Variants in GATB observed in about 807,000 individuals in gnomAD.
GATB encodes glutamyl-tRNA(Gln) amidotransferase subunit B, mitochondrial.
Under a neutral mutation model 62.3 loss-of-function variants are expected in GATB, and 39 were observed. That is an observed-to-expected ratio of 0.63 (90% CI 0.48 to 0.82). GATB has a LOEUF of 0.82. Among genes scored for constraint, GATB ranks in the 40% least tolerant of loss-of-function variants. GATB has a pLI of 0.00. For synonymous variants in GATB, 276 were observed against 258.9 expected, an observed-to-expected ratio of 1.07 and a Z score of -0.63; for missense variants, 670 against 684.0, an observed-to-expected ratio of 0.98 and a Z score of 0.23.
chr4:151,691,470 G>C lies in GATB; in HGVS notation c.1198-2707C>G, dbSNP rs1738364881. 2.0e-5 allele frequency among the ~76,000 whole-genome samples: 3 copies of C among 152,168 alleles called. No individual in the cohort carries two copies. The South Asian group carries it at 6.2e-4, about 32-fold the overall frequency. ...GCACTGAATTACACCCAGAACCAGT[G>C]CTGGCTCCGCCTCTCAGACATTAAC... On this transcript the variant is annotated intron_variant, in intron 9 of 12. Transcript: ENST00000263985.
At chr4:151,749,913 G>C (rs925225427) in intron 2 of GATB, among the ~76,000 whole-genome samples, 2 of 151,794 alleles carry the variant, frequency 1.3e-5, no homozygotes, top group African/African-American at 4.8e-5. Context: ...GACAGAGTCT[G>C]GCTCTCATGC....
chr4:151,731,940 C>T (rs1360288195), intron 2 of GATB, among the ~76,000 whole-genome samples: 2 of 104,034 alleles, frequency 1.9e-5, no homozygotes, highest in South Asian at 2.5e-4. Context: ...CCGGGCCAGC[C>T]GCCCCGTCCG....
At chr4:151,678,956 A>C (rs1277937195) in intron 11 of GATB, among the ~76,000 whole-genome samples, 1 of 152,102 alleles carries the variant, frequency 6.6e-6, no homozygotes, top group African/African-American at 2.4e-5. Context: ...GCAGTGGCAC[A>C]ATGATCTCAG....
At position 151,760,967 on chromosome 4, in the gene GATB, G is replaced by C. The variant is rs553313362; in HGVS notation, c.16C>G (p.Leu6Val). 392 of 1,611,336 alleles carry C rather than the reference G, an allele frequency of 2.4e-4. 6 individuals are homozygous for C. In the South Asian group the frequency reaches 4.0e-3, roughly 16 times the overall value. The change falls in exon 1 of 13, where the codon CTG becomes GTG. Residue 6 changes from leucine (L) to valine (V), a missense_variant. Transcript: ENST00000263985. MAAPM[L>V]RWGCRGRRWA... is the part of the protein sequence containing the mutation. ...CGTCTTCCACGGCAGCCCCAGCGCAGCATGGGCGCCGCCATTGTAACTCCA... is the reference window on the plus strand; with the variant it reads ...CGTCTTCCACGGCAGCCCCAGCGCACCATGGGCGCCGCCATTGTAACTCCA...
chr4:151,726,976 GCCCGATCAC>G, intron 2 of GATB, among the ~76,000 whole-genome samples: 1 of 152,082 alleles, frequency 6.6e-6, no homozygotes, highest in African/African-American at 2.4e-5. Context: ...GAGTGCAGTG[GCCCGATCAC>G]AGCTCAAGGC....
chr4:151,754,172 A>G (rs955216189), intron 2 of GATB, among the ~76,000 whole-genome samples: 2 of 152,154 alleles, frequency 1.3e-5, no homozygotes, highest in African/African-American at 4.8e-5. Context: ...ACCCTTTATC[A>G]GGGCTTATAT....
chr4:151,757,467 A>T (rs1739855563), intron 2 of GATB, among the ~76,000 whole-genome samples: 7 of 103,820 alleles, frequency 6.7e-5, no homozygotes, highest in Admixed American at 2.2e-4. Flanking sequence ...CAGCTTCCAG[A>T]TTTTTTTTTT....
chr4:151,673,419 T>TA, intron 11 of GATB: 1 of 152,572 alleles, frequency 6.6e-6, no homozygotes, highest in East Asian at 1.9e-4. Flanking sequence ...ACCACGGTAC[T>TA]AAATAAAGTC....
At chr4:151,716,219 C>T (rs548831054) in intron 4 of GATB, 88 bp from the exon 5 acceptor site, 12 of 1,446,646 alleles carry the variant, frequency 8.3e-6, no homozygotes, top group South Asian at 5.6e-5. Context: ...AAAACCCTGC[C>T]TTACTGAAGG....
chr4:151,760,969 AT>A lies in GATB; in HGVS notation c.13del (p.Met5CysfsTer63), dbSNP rs1739947349. The stretch of plus-strand genomic sequence containing the variant: ...TCTTCCACGGCAGCCCCAGCGCAGC[AT>A]GGGCGCCGCCATTGTAACTCCAGGG... The part of the protein sequence containing the change: MAAP[M>X]LRWGCRGRRW... On this transcript the variant is annotated frameshift_variant, in exon 1 of 13. Coordinates refer to ENST00000263985, the MANE Select transcript of GATB (RefSeq NM_004564.3). LOFTEE classifies it high-confidence loss of function. 1.2e-6 allele frequency: 2 copies of A among 1,610,988 alleles called. No homozygotes were observed. The highest frequency in any genetic ancestry group is 2.7e-5 in the African/African-American group (2 of 74,802).
At chr4:151,736,575 G>A (rs1229078980) in intron 2 of GATB, among the ~76,000 whole-genome samples, 4 of 152,240 alleles carry the variant, frequency 2.6e-5, no homozygotes, top group African/African-American at 4.8e-5. Context: ...ATAGTATGAT[G>A]TAAGTGTTTA....
At chr4:151,733,943 A>G (rs1380956258) in intron 2 of GATB, among the ~76,000 whole-genome samples, 2 of 152,232 alleles carry the variant, frequency 1.3e-5, no homozygotes, top group Non-Finnish European at 2.9e-5. Context: ...CACAAGGGAC[A>G]TAACTTAACG....
intron 5 of GATB, among the ~76,000 whole-genome samples, chr4:151,713,613 G>A (rs1738861650): frequency 6.6e-6 from 1 of 152,188 alleles, no homozygotes; most frequent in Non-Finnish European, 1.5e-5. Flanking sequence ...TTTAAGTGTG[G>A]AAAGTGAGGC....
intron 5 of GATB, among the ~76,000 whole-genome samples, chr4:151,711,258 A>G (rs1390663402): frequency 1.3e-5 from 2 of 152,164 alleles, no homozygotes; most frequent in African/African-American, 4.8e-5. Flanking sequence ...CTTCCCACAG[A>G]GCAGCCAGAG....
At chr4:151,717,407 AT>A (rs1283383685) in intron 3 of GATB, 12 of 283,490 alleles carry the variant, frequency 4.2e-5, no homozygotes, top group Admixed American at 1.5e-4. Flanking sequence ...TAAGAAAAGA[AT>A]TTATTGTTTC....
Position 151,688,679 on chromosome 4 carries a change from T to G in GATB, c.1282A>C (p.Asn428His). ...TGCTTTAAATAGCCCAGAAAAGTGT[T>G]GAGGACCCAACTAGTCACCTTTTTT... ...EPKKVTSWVL[N>H]TFLGYLKQQN... The change falls in exon 10 of 13, where the codon AAC becomes CAC. Residue 428 changes from asparagine (N) to histidine (H), a missense_variant. Asn to His is a moderately conservative substitution (Grantham distance 68). Transcript: ENST00000263985. The G allele has an allele frequency of 6.2e-7, 1 of 1,613,408 alleles. No homozygotes were observed. The highest frequency in any genetic ancestry group is 1.1e-5 in the South Asian group (1 of 90,738).
intron 11 of GATB, among the ~76,000 whole-genome samples, chr4:151,678,472 G>C (rs1738059667): frequency 1.3e-5 from 2 of 151,918 alleles, no homozygotes; most frequent in Admixed American, 1.3e-4. Context: ...TATATATATA[G>C]TGCTTTTTCT....
chr4:151,716,265 C>A, intron 4 of GATB, 134 bp from the exon 5 acceptor site: 16 of 732,380 alleles, frequency 2.2e-5, no homozygotes, highest in Non-Finnish European at 2.6e-5. Context: ...AATCATTTCT[C>A]TTCCCTCCCA....
chr4:151,712,937 G>C (rs776182112), intron 5 of GATB, among the ~76,000 whole-genome samples: 41 of 152,348 alleles, frequency 2.7e-4, no homozygotes, highest in African/African-American at 9.6e-4. Flanking sequence ...TGGCACAGCA[G>C]GAGGTGAGTG....
Sources: gnomAD v4.1 joint callset for allele counts (sites outside exome capture counted in the v4.1 genomes callset) on GRCh38, gnomAD v4.1.1 for gene constraint, MANE v1.5 for transcripts, NCBI Gene and HGNC (gene_info 2026-07-23, HGNC 2026-07-21) for gene names.